The following ZMYND11 variants were observed in gnomAD, a reference collection of about 807,000 sequenced individuals.
The protein encoded by ZMYND11 is zinc finger MYND domain-containing protein 11.
Under a neutral mutation model 84.9 loss-of-function variants are expected in ZMYND11, and 9 were observed. The observed-to-expected ratio is 0.11, with a 90% CI of 0.06 to 0.18. The LOEUF is 0.18. Among genes scored for constraint, ZMYND11 ranks in the 10% least tolerant of loss-of-function variants. The probability of loss-of-function intolerance (pLI) is 1.00; values close to 1 mark genes in which losing one functional copy is unlikely to be tolerated. For synonymous variants in ZMYND11, 250 were observed against 244.1 expected (o/e 1.02, Z -0.23); for missense variants, 409 against 761.0 (o/e 0.54, Z 5.44).
At chr10:205,588 GCTGAGGTGGGAGGAGCA>G (rs1943976177) in intron 2 of ZMYND11, among the ~76,000 whole-genome samples, 1 of 152,096 alleles carries the variant, frequency 6.6e-6, no homozygotes, top group Non-Finnish European at 1.5e-5. Flanking sequence ...TTCTCAGGAG[GCTGAGGTGGGAGGAGCA>G]CTTGAGGATG....
chr10:204,039 T>G (rs1943708064), intron 2 of ZMYND11, among the ~76,000 whole-genome samples: 1 of 152,220 alleles, frequency 6.6e-6, no homozygotes, highest in African/African-American at 2.4e-5. Context: ...AATTGTTTCT[T>G]GCTGCCAGCA....
intron 10 of ZMYND11, 145 bp downstream of exon 10, chr10:242,284 GAT>G: frequency 7.7e-7 from 1 of 1,303,090 alleles, no homozygotes; most frequent in Non-Finnish European, 1.0e-6. Flanking sequence ...TACGTTCCAA[GAT>G]AAATTGTTTC....
intron 2 of ZMYND11, among the ~76,000 whole-genome samples, chr10:202,263 C>T (rs879578891): frequency 2.6e-5 from 4 of 152,078 alleles, no homozygotes; most frequent in Admixed American, 1.3e-4. Context: ...AGTGTTCTGG[C>T]TCGGTTCTAA....
upstream of ZMYND11, among the ~76,000 whole-genome samples, chr10:134,127 C>T (rs1475868032): frequency 6.6e-6 from 1 of 152,142 alleles, no homozygotes; most frequent in Non-Finnish European, 1.5e-5. Flanking sequence ...TACGTTTTCT[C>T]CTATACACAC....
At chr10:154,548 G>A (rs1384249008) in intron 1 of ZMYND11, among the ~76,000 whole-genome samples, 1 of 152,166 alleles carries the variant, frequency 6.6e-6, no homozygotes, top group Non-Finnish European at 1.5e-5. Flanking sequence ...TCAGTTTTCA[G>A]CTGCTCCATG....
intron 4 of ZMYND11, among the ~76,000 whole-genome samples, chr10:235,336 A>G (rs1174397520): frequency 1.3e-5 from 2 of 152,080 alleles, no homozygotes; most frequent in African/African-American, 4.8e-5. Context: ...TGTGTCACTC[A>G]TTTTAAATTC....
chr10:153,401 T>C (rs1263918118), intron 1 of ZMYND11, among the ~76,000 whole-genome samples: 1 of 152,234 alleles, frequency 6.6e-6, no homozygotes, highest in Non-Finnish European at 1.5e-5. Flanking sequence ...TGTAATTAAC[T>C]TGTTAGGAAA....
In ZMYND11 at chr10:160,332, A is replaced by G. The variant is rs1842680954; in HGVS notation, c.-19-19662A>G. ...ACAGACCTTAATTAAAAAATACTTT[A>G]TTGCTAAAAATGTTAACAATCATCT... is the stretch of plus-strand genomic sequence containing the variant. On this transcript the variant is annotated intron_variant, in intron 1 of 14. Coordinates refer to ENST00000381604, the MANE Select transcript of ZMYND11 (RefSeq NM_001370100.5). 1.3e-5 allele frequency among the ~76,000 whole-genome samples: 2 copies of G among 152,198 alleles called. 1 individual carries two copies. The highest frequency in any genetic ancestry group is 1.3e-4 in the Admixed American group (2 of 15,280).
intron 3 of ZMYND11, among the ~76,000 whole-genome samples, chr10:216,776 TTTTAAG>T (rs1241842825): frequency 6.6e-6 from 1 of 152,192 alleles, no homozygotes; most frequent in Non-Finnish European, 1.5e-5. Flanking sequence ...TTATATACTC[TTTTAAG>T]TTTATTATGA....
chr10:144,127 C>A (rs752025844), intron 1 of ZMYND11, among the ~76,000 whole-genome samples: 65 of 152,234 alleles, frequency 4.3e-4, no homozygotes, highest in Admixed American at 1.5e-3. Context: ...AGCTGAACAG[C>A]CAGCAGTACA....
At chr10:189,929 C>G (rs1221194925) in intron 2 of ZMYND11, among the ~76,000 whole-genome samples, 2 of 152,004 alleles carry the variant, frequency 1.3e-5, no homozygotes, top group Non-Finnish European at 2.9e-5. Flanking sequence ...TGGGATTCGA[C>G]AAGGCAGAGA....
At position 252,436 on chromosome 10, in the gene ZMYND11, C is replaced by A. The variant is rs1356113976; in HGVS notation, c.1775C>A (p.Ala592Glu). 6.2e-7 allele frequency: 1 copy of A among 1,613,172 alleles called. No individual in the cohort carries two copies. The highest frequency in any genetic ancestry group is 1.3e-5 in the African/African-American group (1 of 74,928). ...SIKCQQEHWH[A>E]EHKRTCRRKR ...AAGTGCCAGCAGGAGCACTGGCACGCGGAGCACAAGCGCACCTGCCGCCGG... is the reference window on the plus strand; with the variant it reads ...AAGTGCCAGCAGGAGCACTGGCACGAGGAGCACAAGCGCACCTGCCGCCGG... Residue 592 changes from alanine to glutamate, a missense_variant, in exon 15 of 15, where the codon GCG becomes GAG. Transcript: ENST00000381604. This position sits in a 1 kb window ranked among gnomAD's most constrained non-coding sequence, Gnocchi z 4.6.
intron 4 of ZMYND11, among the ~76,000 whole-genome samples, chr10:231,504 G>A (rs181308545): frequency 5.3e-5 from 8 of 152,190 alleles, no homozygotes; most frequent in South Asian, 4.2e-4. Flanking sequence ...AAACTATATC[G>A]CTATAAAGAA....
At chr10:157,949 T>C (rs1437869618) in intron 1 of ZMYND11, among the ~76,000 whole-genome samples, 1 of 152,252 alleles carries the variant, frequency 6.6e-6, no homozygotes, top group African/African-American at 2.4e-5. Context: ...TTCATGTAAA[T>C]GAAATCATAT....
intron 2 of ZMYND11, among the ~76,000 whole-genome samples, chr10:198,798 G>A (rs528868732): frequency 6.6e-6 from 1 of 152,272 alleles, no homozygotes; most frequent in East Asian, 1.9e-4. Flanking sequence ...TTAATTGTGT[G>A]CCATATATCT....
At chr10:217,304 C>G (rs1946340682) in intron 3 of ZMYND11, among the ~76,000 whole-genome samples, 1 of 152,040 alleles carries the variant, frequency 6.6e-6, no homozygotes, top group South Asian at 2.1e-4. Context: ...GCAGATTGCC[C>G]AAGCTTAGGA....
At chr10:203,313 C>T (rs1943568778) in intron 2 of ZMYND11, among the ~76,000 whole-genome samples, 1 of 151,580 alleles carries the variant, frequency 6.6e-6, no homozygotes, top group South Asian at 2.1e-4. Context: ...CAGCAACCAC[C>T]AACCAGGAAA....
At chr10:179,957 C>CT (rs1847485149) in intron 1 of ZMYND11, 37 bp from the exon 2 acceptor site, 1 of 1,258,734 alleles carries the variant, frequency 7.9e-7, no homozygotes, top group African/African-American at 1.5e-5. Context: ...ATTTTGTAAT[C>CT]TGTTTTTTTC....
At chr10:202,332 G>A (rs1036728028) in intron 2 of ZMYND11, among the ~76,000 whole-genome samples, 4 of 151,976 alleles carry the variant, frequency 2.6e-5, no homozygotes, top group African/African-American at 7.3e-5. Flanking sequence ...TATTTCTTAA[G>A]AACATAACAA....
Sources: allele counts gnomAD v4.1 joint callset (sites outside exome capture counted in the v4.1 genomes callset), GRCh38; gene constraint gnomAD v4.1.1; non-coding constraint Gnocchi (gnomAD v3.1); transcripts MANE v1.5; gene names NCBI Gene and HGNC (gene_info 2026-07-23, HGNC 2026-07-21).